Variants in PELI3 observed in about 807,000 individuals in gnomAD.
PELI3 encodes the protein E3 ubiquitin-protein ligase pellino homolog 3.
A neutral mutation model predicts 35.5 loss-of-function variants in PELI3; 19 were observed. The observed-to-expected ratio is 0.54, with a 90% CI of 0.37 to 0.79. The LOEUF is 0.79. Among genes scored for constraint, PELI3 ranks in the 30% least tolerant of loss-of-function variants. The pLI, the probability that PELI3 is intolerant of heterozygous loss-of-function variation, is 0.00. For missense variants in PELI3, 490 were observed against 661.2 expected (o/e 0.74, Z 2.84); for synonymous variants, 262 against 279.2 (o/e 0.94, Z 0.62).
At chr11:66,472,209 A>C in intron 4 of PELI3, 160 bp from the exon 5 acceptor site, 1 of 599,348 alleles carries the variant, frequency 1.7e-6, no homozygotes. Context: ...GTAGGGCTTA[A>C]ATCATGTGAA....
chr11:66,468,421 G>T, intron 2 of PELI3, 141 bp downstream of exon 2: 1 of 813,044 alleles, frequency 1.2e-6, no homozygotes, highest in South Asian at 3.5e-5. Context: ...AGACAAAATT[G>T]ACCAAACCCA....
Position 66,473,535 on chromosome 11 carries a change from C to A in PELI3, c.651+100C>A, listed in dbSNP as rs931079954. ...AGGTGATGAACCAGCCCACAGTAAT[C>A]CAAATGGTGGTCCTGGCAGTTAGCA... is the stretch of plus-strand genomic sequence containing the variant. On this transcript the variant is annotated intron_variant, in intron 6 of 7. Coordinates refer to ENST00000320740, the MANE Select transcript of PELI3 (RefSeq NM_145065.3). This position sits in a 1 kb window ranked among gnomAD's most constrained non-coding sequence, Gnocchi z 5.8. 4.3e-6 allele frequency: 6 copies of A among 1,401,450 alleles called. No individual in the cohort carries two copies. The highest frequency in any genetic ancestry group is 2.5e-5 in the Admixed American group (1 of 40,362). The allele number at this position is 1,401,450 out of a possible 1,614,324, so 86.8% of individuals were successfully genotyped here.
Position 66,471,648 on chromosome 11 carries a change from A to G in PELI3, c.354+277A>G, listed in dbSNP as rs1406146351. Among the ~76,000 whole-genome samples, 11 of 152,128 alleles carry G rather than the reference A, an allele frequency of 7.2e-5. No individual in the cohort carries two copies. In the South Asian group the frequency reaches 1.7e-3, roughly 23 times the overall value. ...GGTGCTGCTTATTTCCATCCAATGG[A>G]AATGGAAATGGGTGGAAATGAGCTG... On this transcript the variant is annotated intron_variant, in intron 4 of 7. Transcript: ENST00000320740.
Position 66,477,081 on chromosome 11 carries a change from G to C in PELI3, c.*914G>C, listed in dbSNP as rs1854946544. ...GAAATCCAGGGACAGAGTCAGGATG[G>C]CTGGAGCATGGACTGCGGGGGGAAC... On this transcript the variant is annotated 3_prime_UTR_variant, in exon 8 of 8. Coordinates refer to ENST00000320740, the MANE Select transcript of PELI3 (RefSeq NM_145065.3). The C allele has an allele frequency of 6.6e-6, 1 of 152,642 alleles. No individual in the cohort carries two copies. The highest frequency in any genetic ancestry group is 2.1e-4 in the South Asian group (1 of 4,820). The allele number at this position is 152,642 out of a possible 1,614,324, so 9.5% of individuals were successfully genotyped here.
rs1854568990 is a variant in PELI3 at position 66,467,327 on chromosome 11, C to T, written c.-2+300C>T. ...CCCGCCCGGGGCGCAGGGCGCGGGCCTGCCCCGGCGCGGTCCCTCTGGCGC... is the reference window on the plus strand; with the variant it reads ...CCCGCCCGGGGCGCAGGGCGCGGGCTTGCCCCGGCGCGGTCCCTCTGGCGC... On this transcript the variant is annotated intron_variant, in intron 1 of 7. Transcript: ENST00000320740. This position sits in a 1 kb window ranked among gnomAD's most constrained non-coding sequence, Gnocchi z 4.2. 6.6e-6 allele frequency: 1 copy of T among 152,042 alleles called. No individual in the cohort carries two copies. Among genetic ancestry groups the T allele is most frequent in the African/African-American group, 2.4e-5 (1 of 41,394 alleles). 9.4% of individuals were successfully genotyped at this position (152,042 alleles called of 1,614,324 possible). A position where few individuals can be genotyped will look rare whatever the true frequency, so the allele number is the denominator to read the frequency against.
At chr11:66,468,729 C>T (rs1183313639) in intron 2 of PELI3, 104 bp from the exon 3 acceptor site, 1 of 589,522 alleles carries the variant, frequency 1.7e-6, no homozygotes, top group Non-Finnish European at 3.2e-6. Flanking sequence ...GAGGTGATTT[C>T]TGTAAAGTAC....
rs148294193 is a variant in PELI3, at chr11:66,468,243, G to C, written c.115G>C (p.Glu39Gln). Reference sequence around the variant, plus strand: ...TCCCGGTGAAGATGCGCAGCCAGGCGAGGAGCCCATCAAGTATGGTGAACT... The same window carrying C: ...TCCCGGTGAAGATGCGCAGCCAGGCCAGGAGCCCATCAAGTATGGTGAACT... Reference protein sequence around the residue: ...SSPGEDAQPGEEPIKYGELIV... With the variant: ...SSPGEDAQPGQEPIKYGELIV... The change falls in exon 2 of 8, where the codon GAG becomes CAG. Residue 39 changes from glutamate (E) to glutamine (Q), a missense_variant. By Grantham distance (29) the Glu-to-Gln change is conservative. Transcript: ENST00000320740. 4,842 of 1,588,654 alleles carry C rather than the reference G, an allele frequency of 3.0e-3. 37 individuals carry two copies. Among genetic ancestry groups the C allele is most frequent in the Non-Finnish European group, 2.4e-3 (2,797 of 1,164,854 alleles).
At chr11:66,471,091 T>C (rs1854698887) in intron 3 of PELI3, 151 bp from the exon 4 acceptor site, 1 of 1,055,914 alleles carries the variant, frequency 9.5e-7, no homozygotes, top group Non-Finnish European at 1.4e-6. Flanking sequence ...TATTGTAGGG[T>C]CTTCTAGTTT....
intron 3 of PELI3, among the ~76,000 whole-genome samples, chr11:66,469,523 A>G (rs1854643827): frequency 1.3e-5 from 2 of 152,252 alleles, no homozygotes; most frequent in African/African-American, 4.8e-5. Flanking sequence ...TCACAAGGGC[A>G]AAAGTGATGT....
At position 66,476,833 on chromosome 11, in the gene PELI3, G is replaced by A. The variant is rs542249040; in HGVS notation, c.*666G>A. The A allele has an allele frequency of 6.6e-6, 1 of 152,310 alleles. No individual in the cohort carries two copies. Among genetic ancestry groups the A allele is most frequent in the African/African-American group, 2.4e-5 (1 of 41,458 alleles). 9.4% of individuals were successfully genotyped at this position (152,310 alleles called of 1,614,324 possible). ...ACAGACTGTTAACAAATGGCAACACGGCTTCATGCGTGCCAGGATCAGAGT... is the reference window on the plus strand; with the variant it reads ...ACAGACTGTTAACAAATGGCAACACAGCTTCATGCGTGCCAGGATCAGAGT... On this transcript the variant is annotated 3_prime_UTR_variant, in exon 8 of 8. Coordinates refer to ENST00000320740, the MANE Select transcript of PELI3 (RefSeq NM_145065.3).
At chr11:66,470,528 A>T (rs1378097895) in intron 3 of PELI3, among the ~76,000 whole-genome samples, 1 of 152,268 alleles carries the variant, frequency 6.6e-6, no homozygotes, top group African/African-American at 2.4e-5. Flanking sequence ...GGTGATTGAT[A>T]ACATGAAGGC....
chr11:66,475,756 C>T lies in PELI3; in HGVS notation c.999C>T (p.Pro333=), dbSNP rs372697971. The change falls in exon 8 of 8, where the codon CCC becomes CCT. Residue 333 remains proline, a synonymous_variant. Coordinates refer to ENST00000320740, the MANE Select transcript of PELI3 (RefSeq NM_145065.3). The part of the protein sequence containing the change: ...QEANAARPQC[P]VGLSTLAFPS... ...CAAATGCAGCGCGGCCCCAGTGCCC[C>T]GTGGGCCTCAGCACTCTGGCCTTCC... 63 of 1,610,602 alleles carry T rather than the reference C, an allele frequency of 3.9e-5. No homozygotes were observed. Among genetic ancestry groups the T allele is most frequent in the African/African-American group, 2.7e-4 (20 of 74,896 alleles).
intron 3 of PELI3, 62 bp from the exon 4 acceptor site, chr11:66,471,180 C>T: frequency 6.5e-7 from 1 of 1,528,860 alleles, no homozygotes; most frequent in Non-Finnish European, 8.9e-7. Context: ...ATCAGGGGTT[C>T]ACTTTCTCTC....
In PELI3 at chr11:66,476,337, C is replaced by CA; in HGVS notation, c.*170_*171insA. On this transcript the variant is annotated 3_prime_UTR_variant, in exon 8 of 8. Transcript: ENST00000320740. ...CCAACTGTGGCCCCCCAAGGAGGTC[C>CA]CCAAGATCTCCACCCCAGTCATGCT... 2.0e-5 allele frequency: 14 copies of CA among 685,286 alleles called. No individual in the cohort carries two copies. Among genetic ancestry groups the CA allele is most frequent in the Admixed American group, 1.8e-4 (6 of 33,068 alleles). The allele number at this position is 685,286 out of a possible 1,614,324, so 42.5% of individuals were successfully genotyped here. A position where few individuals can be genotyped will look rare whatever the true frequency, so the allele number is the denominator to read the frequency against.
At chr11:66,472,114 T>G (rs918781637) in intron 4 of PELI3, among the ~76,000 whole-genome samples, 2 of 151,378 alleles carry the variant, frequency 1.3e-5, no homozygotes, top group Non-Finnish European at 2.9e-5. Context: ...CCTCAAGTGA[T>G]CCGCCCACCT....
At chr11:66,472,620 A>G (rs1854764032) in intron 5 of PELI3, 150 bp downstream of exon 5, 1 of 633,114 alleles carries the variant, frequency 1.6e-6, no homozygotes. Context: ...TGTTGACTGC[A>G]GAGTCACACA....
Position 66,467,854 on chromosome 11 carries a change from C to T in PELI3, c.-1-274C>T, listed in dbSNP as rs1324936871. On this transcript the variant is annotated intron_variant, in intron 1 of 7. Coordinates refer to ENST00000320740, the MANE Select transcript of PELI3 (RefSeq NM_145065.3). The surrounding 1 kb of genome is among the most constrained non-coding windows in gnomAD (Gnocchi z 4.2). The stretch of plus-strand genomic sequence containing the variant: ...TTTGAAGCACATCCCAGACTGGGAT[C>T]TTGGCCAAAAAGCAGCCTCTGGCCA... 2.0e-5 allele frequency among the ~76,000 whole-genome samples: 3 copies of T among 152,206 alleles called. No homozygotes were observed. The highest frequency in any genetic ancestry group is 2.9e-5 in the Non-Finnish European group (2 of 68,026).
At chr11:66,470,570 G>A (rs543764798) in intron 3 of PELI3, among the ~76,000 whole-genome samples, 6 of 152,358 alleles carry the variant, frequency 3.9e-5, no homozygotes, top group East Asian at 1.9e-4. Flanking sequence ...CCATGGCAGC[G>A]ATGAGAGCTA....
chr11:66,473,017 A>C lies in PELI3; in HGVS notation c.457-224A>C, dbSNP rs1359257940. 6.6e-6 allele frequency among the ~76,000 whole-genome samples: 1 copy of C among 152,180 alleles called. No homozygotes were observed. The highest frequency in any genetic ancestry group is 2.4e-5 in the African/African-American group (1 of 41,438). On this transcript the variant is annotated intron_variant, in intron 5 of 7. Coordinates refer to ENST00000320740, the MANE Select transcript of PELI3 (RefSeq NM_145065.3). This position sits in a 1 kb window ranked among gnomAD's most constrained non-coding sequence, Gnocchi z 5.8. Reference sequence around the variant, plus strand: ...GGGCGATCCCTAGTGCTGTGGGGGCAACAGAGAAGGAGAAGCTGCTCCAGG... The same window carrying C: ...GGGCGATCCCTAGTGCTGTGGGGGCCACAGAGAAGGAGAAGCTGCTCCAGG...
Sources: gnomAD v4.1 joint callset for allele counts (sites outside exome capture counted in the v4.1 genomes callset) on GRCh38, gnomAD v4.1.1 for gene constraint, Gnocchi (gnomAD v3.1) non-coding constraint, MANE v1.5 for transcripts, NCBI Gene and HGNC (gene_info 2026-07-23, HGNC 2026-07-21) for gene names.